BTBD16: variants seen among roughly 807,000 people sequenced by gnomAD.
BTBD16 encodes BTB domain containing 16.
BTBD16 carries 66 observed loss-of-function variants against 67.4 expected under a neutral mutation model. That is an observed-to-expected ratio of 0.98 (90% CI 0.80 to 1.20). The LOEUF (loss-of-function observed/expected upper bound fraction) is 1.20. Among genes scored for constraint, BTBD16 ranks in the 50% most tolerant of loss-of-function variants. The probability of loss-of-function intolerance (pLI) is 0.00; values close to 1 mark genes in which losing one functional copy is unlikely to be tolerated. For synonymous variants in BTBD16, 242 were observed against 236.4 expected (o/e 1.02, Z -0.22); for missense variants, 634 against 616.0 (o/e 1.03, Z -0.31).
intron 3 of BTBD16, among the ~76,000 whole-genome samples, chr10:122,283,314 A>G (rs2096356822): frequency 6.6e-6 from 1 of 152,232 alleles, no homozygotes; most frequent in South Asian, 2.1e-4. Context: ...AGATGTAACA[A>G]CACTCAGCAT....
intron 9 of BTBD16, 77 bp from the exon 10 acceptor site, chr10:122,307,111 AT>A: frequency 1.3e-6 from 2 of 1,505,996 alleles, no homozygotes. Context: ...TCCCAAACTC[AT>A]TCTAACCAGC....
At chr10:122,279,091 T>C (rs2096346834) in intron 3 of BTBD16, among the ~76,000 whole-genome samples, 1 of 152,038 alleles carries the variant, frequency 6.6e-6, no homozygotes, top group Admixed American at 6.5e-5. Flanking sequence ...AACTTTGCAG[T>C]ATGGAGGCAA....
At chr10:122,323,227 C>T (rs1429882746) in intron 10 of BTBD16, among the ~76,000 whole-genome samples, 3 of 152,190 alleles carry the variant, frequency 2.0e-5, no homozygotes, top group Non-Finnish European at 2.9e-5. Flanking sequence ...GTCATGTTTA[C>T]AGAGTGATAG....
chr10:122,322,215 T>C (rs1196943334), intron 10 of BTBD16, among the ~76,000 whole-genome samples: 3 of 152,228 alleles, frequency 2.0e-5, no homozygotes, highest in Non-Finnish European at 4.4e-5. Context: ...GTTATTTCCT[T>C]CTACTTTCTT....
intron 12 of BTBD16, among the ~76,000 whole-genome samples, chr10:122,331,495 C>T (rs1468777926): frequency 6.6e-6 from 1 of 152,144 alleles, no homozygotes; most frequent in African/African-American, 2.4e-5. Flanking sequence ...GTTCTTGGTA[C>T]AGATTAACAA....
intron 8 of BTBD16, 63 bp from the exon 9 acceptor site, chr10:122,298,941 A>T (rs1016262657): frequency 3.1e-6 from 5 of 1,593,572 alleles, no homozygotes; most frequent in African/African-American, 2.7e-5. Context: ...GTGTCGTCTC[A>T]GGCCAGCAGA....
chr10:122,277,521 G>A (rs1156875914), intron 3 of BTBD16, among the ~76,000 whole-genome samples: 1 of 152,158 alleles, frequency 6.6e-6, no homozygotes, highest in African/African-American at 2.4e-5. Context: ...TCTGCAGGCT[G>A]TACAAGAAGC....
intron 3 of BTBD16, among the ~76,000 whole-genome samples, chr10:122,278,482 T>C (rs1319888846): frequency 3.9e-5 from 6 of 152,216 alleles, no homozygotes; most frequent in Non-Finnish European, 8.8e-5. Flanking sequence ...TTGCACTGTT[T>C]CTGGCAAATA....
At chr10:122,335,503 C>T (rs10887136) in intron 14 of BTBD16, among the ~76,000 whole-genome samples, 6,432 of 152,298 alleles carry the variant, frequency 0.042, 379 homozygotes, top group East Asian at 0.22. Context: ...CGCAGGTGAA[C>T]GGCCTTGCGA....
chr10:122,277,483 A>G (rs1041826163), intron 3 of BTBD16, among the ~76,000 whole-genome samples: 3 of 152,168 alleles, frequency 2.0e-5, no homozygotes, highest in Non-Finnish European at 4.4e-5. Flanking sequence ...GAAATTTATA[A>G]AGAAAAAAGG....
At position 122,336,569 on chromosome 10, in the gene BTBD16, C is replaced by T. The variant is rs551680176; in HGVS notation, c.1339C>T (p.Leu447=). 22 of 1,613,246 alleles carry T rather than the reference C, an allele frequency of 1.4e-5. No homozygotes were observed. The South Asian group carries it at 2.1e-4, about 15-fold the overall frequency. ...CCACGTCAGCCTGCGAGCGGCACGC[C>T]TGGTGAAGTATGAGATCAGAGCAGA... The part of the protein sequence containing the change: ...HNHVSLRAAR[L]VKYEIRAEAL... Residue 447 remains leucine (L), a synonymous_variant, in exon 15 of 16, where the codon CTG becomes TTG. Coordinates refer to ENST00000260723, the MANE Select transcript of BTBD16 (RefSeq NM_144587.5).
intron 7 of BTBD16, among the ~76,000 whole-genome samples, chr10:122,294,979 C>A (rs1250740432): frequency 1.3e-5 from 2 of 152,258 alleles, no homozygotes; most frequent in African/African-American, 4.8e-5. Context: ...GCCTCCTGTT[C>A]AGCCTCGTCA....
At chr10:122,284,673 AT>A (rs60823097) in intron 4 of BTBD16, among the ~76,000 whole-genome samples, 18,036 of 123,598 alleles carry the variant, frequency 0.15, 854 homozygotes, top group Middle Eastern at 0.21. Context: ...CTTAAAGTGG[AT>A]TTTTTTTTTT....
At chr10:122,286,347 C>A in intron 5 of BTBD16, 99 bp downstream of exon 5, 1 of 1,470,024 alleles carries the variant, frequency 6.8e-7, no homozygotes, top group Non-Finnish European at 9.0e-7. Context: ...CACGGTCACT[C>A]TAGCAGTCAA....
chr10:122,279,297 G>A (rs2096347251), intron 3 of BTBD16, among the ~76,000 whole-genome samples: 2 of 152,006 alleles, frequency 1.3e-5, no homozygotes, highest in African/African-American at 4.8e-5. Context: ...GGGGCAACAT[G>A]GTGAGACCCT....
chr10:122,317,684 C>A (rs765231870), intron 10 of BTBD16, among the ~76,000 whole-genome samples: 1 of 151,580 alleles, frequency 6.6e-6, no homozygotes, highest in South Asian at 2.1e-4. Flanking sequence ...AAAAAAACAA[C>A]AAAAAAAACT....
chr10:122,313,257 GTT>G (rs58984425), intron 10 of BTBD16, among the ~76,000 whole-genome samples: 78,155 of 138,982 alleles, frequency 0.56, 22,406 homozygotes, highest in African/African-American at 0.75. Context: ...AGTTAGTGCT[GTT>G]TTTTTTTTTT....
At chr10:122,295,027 T>C (rs537309950) in intron 7 of BTBD16, among the ~76,000 whole-genome samples, 1 of 152,332 alleles carries the variant, frequency 6.6e-6, no homozygotes, top group African/African-American at 2.4e-5. Flanking sequence ...GGTGAGGCCA[T>C]GAGCTCCAGG....
chr10:122,329,012 G>A (rs1339397776), intron 10 of BTBD16, among the ~76,000 whole-genome samples: 3 of 152,154 alleles, frequency 2.0e-5, no homozygotes, highest in African/African-American at 4.8e-5. Context: ...TACTGGAAGG[G>A]CAGCGTATGT....
Sources: gnomAD v4.1 joint callset for allele counts (sites outside exome capture counted in the v4.1 genomes callset) on GRCh38, gnomAD v4.1.1 for gene constraint, MANE v1.5 for transcripts, NCBI Gene and HGNC (gene_info 2026-07-23, HGNC 2026-07-21) for gene names.